FSIP2: variants seen among roughly 807,000 people sequenced by gnomAD.
The protein encoded by FSIP2 is fibrous sheath interacting protein 2.
FSIP2 carries 367 observed loss-of-function variants against 510.5 expected under a neutral mutation model. That is an observed-to-expected ratio of 0.72 (90% CI 0.66 to 0.78). The LOEUF (loss-of-function observed/expected upper bound fraction) is 0.78, where lower values mean the gene tolerates loss of function less well. FSIP2 is among the 30% of genes least tolerant of loss of function. FSIP2 has a pLI of 0.00. For synonymous variants in FSIP2, 2,601 were observed against 2,732.2 expected (o/e 0.95, Z 1.50); for missense variants, 7,594 against 7,901.7 (o/e 0.96, Z 1.48).
chr2:185,828,015 C>T (rs1223101144), intron 20 of FSIP2, 141 bp from the exon 21 acceptor site: 2 of 562,208 alleles, frequency 3.6e-6, no homozygotes, highest in African/African-American at 1.9e-5. Flanking sequence ...ATTGCTTATA[C>T]ATTTAAAATA....
intron 7 of FSIP2, among the ~76,000 whole-genome samples, chr2:185,749,618 C>G (rs997205183): frequency 1.3e-5 from 2 of 151,512 alleles, no homozygotes; most frequent in Non-Finnish European, 3.0e-5. Flanking sequence ...TGATGAGTTC[C>G]TTTAATTTTT....
At chr2:185,831,285 C>T (rs1694104308) in intron 21 of FSIP2, among the ~76,000 whole-genome samples, 1 of 151,802 alleles carries the variant, frequency 6.6e-6, no homozygotes, top group African/African-American at 2.4e-5. Flanking sequence ...AATTGCTGCT[C>T]TTGCATTCAA....
Position 185,789,588 on chromosome 2 carries a change from G to A in FSIP2, c.2452G>A (p.Asp818Asn). The change falls in exon 16 of 23, where the codon GAT (aspartate) becomes AAT (asparagine). Residue 818 changes from aspartate to asparagine, a missense_variant. Coordinates refer to ENST00000424728, the MANE Select transcript of FSIP2 (RefSeq NM_173651.4). ...SMPHTLDPMC[D>N]IAEDMVHAIL... ...GCCTCATACTTTGGACCCAATGTGT[G>A]ATATTGCAGAGGACATGGTGCATGC... 1 of 1,534,928 alleles carries A rather than the reference G, an allele frequency of 6.5e-7. No individual in the cohort carries two copies. Among genetic ancestry groups the A allele is most frequent in the South Asian group, 1.2e-5 (1 of 84,030 alleles).
In FSIP2 at chr2:185,790,717, C is replaced by A. The variant is rs1208141554; in HGVS notation, c.3581C>A (p.Ser1194Ter). ...TCCAATACCACTAAAAGTTCCATTT[C>A]ATCATCAGTTCATCAGATTTCCTTA... ...YISNTTKSSI[S>*]SSVHQISLHN... The change falls in exon 16 of 23, where the codon TCA becomes TAA. Residue 1194 changes from serine to a stop codon, truncating the protein, a stop_gained. Transcript: ENST00000424728. LOFTEE classifies it high-confidence loss of function. 1 of 1,533,842 alleles carries A rather than the reference C, an allele frequency of 6.5e-7. No individual in the cohort carries two copies. Among genetic ancestry groups the A allele is most frequent in the South Asian group, 1.2e-5 (1 of 83,990 alleles).
rs1230593071 is a variant in FSIP2 at position 185,796,675 on chromosome 2, C to A, written c.9539C>A (p.Pro3180His). The change falls in exon 16 of 23, where the codon CCT (proline) becomes CAT (histidine). Residue 3180 changes from proline to histidine, a missense_variant. Transcript: ENST00000424728. ...KLKEGSLGIN[P>H]SQVSKTGFVF... ...AAGGAAGGTAGTTTGGGGATTAATC[C>A]TTCACAAGTGAGTAAAACTGGGTTT... The A allele has an allele frequency of 5.2e-6, 8 of 1,535,024 alleles. No individual in the cohort carries two copies. The highest frequency in any genetic ancestry group is 7.0e-6 in the Non-Finnish European group (8 of 1,146,234).
rs777110292 is a variant in FSIP2, at chr2:185,807,149, G to C, written c.17843G>C (p.Arg5948Thr). 2.5e-6 allele frequency: 4 copies of C among 1,602,794 alleles called. No homozygotes were observed. The highest frequency in any genetic ancestry group is 1.7e-5 in the Admixed American group (1 of 57,752). The change falls in exon 17 of 23, where the codon AGA becomes ACA. Residue 5948 changes from arginine to threonine, a missense_variant. Arg to Thr is a moderately conservative substitution (Grantham distance 71). Transcript: ENST00000424728. ...INSNGENLAR[R>T]LTSAVINEIF... ...AGTAATGGAGAAAATTTAGCAAGAA[G>C]ACTAACTAGTGCAGTGATAAATGAA...
Position 185,797,390 on chromosome 2 carries a change from C to T in FSIP2, c.10254C>T (p.Tyr3418=). ...SFLQKLKKKE[Y]PKIETVKEVE... ...TGCAAAAATTGAAAAAAAAGGAGTA[C>T]CCAAAGATAGAGACTGTGAAGGAAG... The change falls in exon 16 of 23, where the codon TAC becomes TAT. Residue 3418 remains tyrosine (Y), a synonymous_variant. Coordinates refer to ENST00000424728, the MANE Select transcript of FSIP2 (RefSeq NM_173651.4). The T allele has an allele frequency of 6.5e-7, 1 of 1,530,514 alleles. No individual in the cohort carries two copies. Among genetic ancestry groups the T allele is most frequent in the Non-Finnish European group, 8.7e-7 (1 of 1,145,166 alleles). The allele number at this position is 1,530,514 out of a possible 1,614,324, so 94.8% of individuals were successfully genotyped here.
chr2:185,796,232 G>A lies in FSIP2; in HGVS notation c.9096G>A (p.Gln3032=), dbSNP rs1245194436. The change falls in exon 16 of 23, where the codon CAG becomes CAA. Residue 3032 remains glutamine, a synonymous_variant. Coordinates refer to ENST00000424728, the MANE Select transcript of FSIP2 (RefSeq NM_173651.4). ...TAGAAAACCTTTCTTCTATCCAACA[G>A]AAACTGTTAAACAAAAAAATGTTGC... ...MPIENLSSIQ[Q]KLLNKKMLPK... 1.3e-6 allele frequency: 2 copies of A among 1,531,022 alleles called. No homozygotes were observed. The highest frequency in any genetic ancestry group is 2.8e-5 in the African/African-American group (2 of 72,598). The allele number at this position is 1,531,022 out of a possible 1,614,324, so 94.8% of individuals were successfully genotyped here. A position where few individuals can be genotyped will look rare whatever the true frequency, so the allele number is the denominator to read the frequency against.
intron 17 of FSIP2, among the ~76,000 whole-genome samples, chr2:185,812,922 T>A (rs1056964619): frequency 6.6e-6 from 1 of 152,096 alleles, no homozygotes; most frequent in East Asian, 1.9e-4. Context: ...GGGGAAATTC[T>A]GTTATTTAAT....
chr2:185,753,761 C>A lies in FSIP2; in HGVS notation c.910C>A (p.Gln304Lys), dbSNP rs1692191578. 3.6e-6 allele frequency: 5 copies of A among 1,398,740 alleles called. No individual in the cohort carries two copies. Among genetic ancestry groups the A allele is most frequent in the Non-Finnish European group, 4.8e-6 (5 of 1,039,986 alleles). The allele number at this position is 1,398,740 out of a possible 1,614,324, so 86.6% of individuals were successfully genotyped here. The change falls in exon 8 of 23, where the codon CAA (glutamine) becomes AAA (lysine). Residue 304 changes from glutamine (Q) to lysine (K), a missense_variant. By Grantham distance (53) the Gln-to-Lys change is moderately conservative (BLOSUM62 1). Transcript: ENST00000424728. ...AGAGAAAAAAATGGCTTATCATTTA[C>A]AAAAAATGCAAGATACTGGCTTTAA... is the stretch of plus-strand genomic sequence containing the variant. Reference protein sequence around the residue: ...LLEKKMAYHLQKMQDTGFNGE... With the variant: ...LLEKKMAYHLKKMQDTGFNGE...
rs1693445526 is a variant in FSIP2, at chr2:185,801,891, G to C, written c.12585G>C (p.Trp4195Cys). 6.7e-7 allele frequency: 1 copy of C among 1,493,878 alleles called. No homozygotes were observed. Among genetic ancestry groups the C allele is most frequent in the South Asian group, 1.3e-5 (1 of 79,706 alleles). 92.5% of individuals were successfully genotyped at this position (1,493,878 alleles called of 1,614,324 possible). Reference protein sequence around the residue: ...VMSAISKHKIWFTIYDNQYLY... With the variant: ...VMSAISKHKICFTIYDNQYLY... ...CAGCCATTTCAAAACATAAAATCTGGTTCACTATATATGATAATCAATATC... is the reference window on the plus strand; with the variant it reads ...CAGCCATTTCAAAACATAAAATCTGCTTCACTATATATGATAATCAATATC... Residue 4195 changes from tryptophan to cysteine, a missense_variant, in exon 17 of 23, where the codon TGG becomes TGC. Coordinates refer to ENST00000424728, the MANE Select transcript of FSIP2 (RefSeq NM_173651.4).
At position 185,806,909 on chromosome 2, in the gene FSIP2, C is replaced by T. The variant is rs761051751; in HGVS notation, c.17603C>T (p.Pro5868Leu). ...GTGTCTTCAGTTCCTAAAGTACCTC[C>T]AAGGTATAAAGAGCCAACTACAGAT... ...GKVSSVPKVP[P>L]RYKEPTTDEA... Residue 5868 changes from proline to leucine, a missense_variant, in exon 17 of 23, where the codon CCA becomes CTA. Transcript: ENST00000424728. 5.6e-6 allele frequency: 9 copies of T among 1,610,042 alleles called. No individual in the cohort carries two copies. The East Asian group carries it at 2.0e-4, about 36-fold the overall frequency.
chr2:185,822,679 A>T (rs986821494), intron 19 of FSIP2, among the ~76,000 whole-genome samples: 6 of 151,866 alleles, frequency 4.0e-5, no homozygotes, highest in African/African-American at 1.4e-4. Flanking sequence ...CAAAATACCA[A>T]TAATTTTTTT....
chr2:185,808,207 C>T lies in FSIP2; in HGVS notation c.18901C>T (p.Gln6301Ter). The part of the protein sequence containing the change: ...NAISNSEFQP[Q>*]VEEEVSNSEL... ...AATTTCGAATTCTGAATTTCAACCT[C>T]AAGTAGAGGAAGAAGTATCAAATTC... Residue 6301 changes from glutamine to a stop codon, truncating the protein, a stop_gained, in exon 17 of 23, where the codon CAA becomes TAA. Coordinates refer to ENST00000424728, the MANE Select transcript of FSIP2 (RefSeq NM_173651.4). LOFTEE classifies it high-confidence loss of function. The T allele has an allele frequency of 6.2e-7, 1 of 1,611,230 alleles. No homozygotes were observed. The highest frequency in any genetic ancestry group is 8.5e-7 in the Non-Finnish European group (1 of 1,178,830).
chr2:185,744,539 A>T (rs1691985896), intron 4 of FSIP2, 128 bp downstream of exon 4: 1 of 254,742 alleles, frequency 3.9e-6, no homozygotes, highest in Non-Finnish European at 7.4e-6. Context: ...TATTTTTTCC[A>T]AGTGAAAATT....
At chr2:185,756,095 T>G (rs1433096191) in intron 8 of FSIP2, 97 bp from the exon 9 acceptor site, 5 of 450,214 alleles carry the variant, frequency 1.1e-5, no homozygotes, top group African/African-American at 7.9e-5. Flanking sequence ...TAGCATATAG[T>G]TCAGCTCCTC....
At chr2:185,798,159 G>A (rs1425516394) in intron 16 of FSIP2, among the ~76,000 whole-genome samples, 1 of 151,870 alleles carries the variant, frequency 6.6e-6, no homozygotes, top group African/African-American at 2.4e-5. Flanking sequence ...AAATTTGGAA[G>A]GGTTTTTAAA....
rs1422346719 is a variant in FSIP2, at chr2:185,793,146, C to G, written c.6010C>G (p.Leu2004Val). The G allele has an allele frequency of 6.5e-7, 1 of 1,534,134 alleles. No homozygotes were observed. The highest frequency in any genetic ancestry group is 2.0e-5 in the Admixed American group (1 of 50,836). Reference sequence around the variant, plus strand: ...TTTGTCTAAATTAAATACTTATGCACTACAAGTGGCTAGAAGAAATTTACA... The same window carrying G: ...TTTGTCTAAATTAAATACTTATGCAGTACAAGTGGCTAGAAGAAATTTACA... Reference protein sequence around the residue: ...LSLSKLNTYALQVARRNLQGI... With the variant: ...LSLSKLNTYAVQVARRNLQGI... The change falls in exon 16 of 23, where the codon CTA (leucine) becomes GTA (valine). Residue 2004 changes from leucine (L) to valine (V), a missense_variant. By Grantham distance (32) the Leu-to-Val change is conservative. Coordinates refer to ENST00000424728, the MANE Select transcript of FSIP2 (RefSeq NM_173651.4).
At chr2:185,785,508 A>C (rs1692950794) in intron 14 of FSIP2, among the ~76,000 whole-genome samples, 1 of 152,084 alleles carries the variant, frequency 6.6e-6, no homozygotes, top group Non-Finnish European at 1.5e-5. Flanking sequence ...AAAGAAGAAA[A>C]GCAGCAGTAC....
Sources: gnomAD v4.1 joint callset for allele counts (sites outside exome capture counted in the v4.1 genomes callset) on GRCh38, gnomAD v4.1.1 for gene constraint, MANE v1.5 for transcripts, NCBI Gene and HGNC (gene_info 2026-07-23, HGNC 2026-07-21) for gene names.